The following RHOBTB3 variants were observed in gnomAD, a reference collection of about 807,000 sequenced individuals.
RHOBTB3 encodes rho-related BTB domain-containing protein 3.
A neutral mutation model predicts 67.2 loss-of-function variants in RHOBTB3; 47 were observed. That is an observed-to-expected ratio of 0.70 (90% CI 0.55 to 0.89). RHOBTB3 has a LOEUF of 0.89. RHOBTB3 is among the 40% of genes least tolerant of loss of function. The probability of loss-of-function intolerance (pLI) is 0.00; values close to 1 mark genes in which losing one functional copy is unlikely to be tolerated. For synonymous variants in RHOBTB3, 273 were observed against 274.2 expected (o/e 1.00, Z 0.04); for missense variants, 631 against 750.0 (o/e 0.84, Z 1.85).
At chr5:95,740,046 T>C (rs1206476140) in intron 3 of RHOBTB3, among the ~76,000 whole-genome samples, 1 of 152,156 alleles carries the variant, frequency 6.6e-6, no homozygotes, top group East Asian at 1.9e-4. Flanking sequence ...GAGCGGGTTT[T>C]TCCTGTGCTA....
At chr5:95,766,479 T>C (rs1178386925) in intron 7 of RHOBTB3, among the ~76,000 whole-genome samples, 1 of 152,076 alleles carries the variant, frequency 6.6e-6, no homozygotes, top group East Asian at 1.9e-4. Context: ...TAGGCAAGAT[T>C]GTGGTCCTAA....
intron 3 of RHOBTB3, among the ~76,000 whole-genome samples, chr5:95,737,616 C>T (rs1242268520): frequency 6.6e-6 from 1 of 152,208 alleles, no homozygotes; most frequent in Non-Finnish European, 1.5e-5. Context: ...TTAGGGCCAA[C>T]TCAGGATTCA....
intron 6 of RHOBTB3, among the ~76,000 whole-genome samples, chr5:95,761,025 G>A (rs1745378581): frequency 6.6e-6 from 1 of 152,170 alleles, no homozygotes; most frequent in Admixed American, 6.5e-5. Context: ...TCCTGTGTGT[G>A]TTCTCAGACA....
rs1430245196 is a variant in RHOBTB3, at chr5:95,794,920, C to G, written c.*1746C>G. On this transcript the variant is annotated 3_prime_UTR_variant, in exon 12 of 12. Coordinates refer to ENST00000379982, the MANE Select transcript of RHOBTB3 (RefSeq NM_014899.4). ...GAGTTCGAAACCAGCCTGGCCAAAA[C>G]AGTGAAACCCCGTCTCTACTAAAAA... 1 of 151,858 alleles carries G rather than the reference C, an allele frequency of 6.6e-6. No individual in the cohort carries two copies. Among genetic ancestry groups the G allele is most frequent in the Non-Finnish European group, 1.5e-5 (1 of 67,956 alleles). The allele number at this position is 151,858 out of a possible 1,614,324, so 9.4% of individuals were successfully genotyped here.
At chr5:95,738,912 G>C (rs141769123) in intron 3 of RHOBTB3, among the ~76,000 whole-genome samples, 3 of 152,136 alleles carry the variant, frequency 2.0e-5, no homozygotes, top group East Asian at 1.9e-4. Context: ...TAAAGCTACT[G>C]GTTCTTTTAA....
chr5:95,783,690 C>T (rs1334727106), intron 9 of RHOBTB3, 107 bp from the exon 10 acceptor site: 14 of 882,662 alleles, frequency 1.6e-5, no homozygotes, highest in South Asian at 8.3e-5. Flanking sequence ...GTGGATGCTA[C>T]GGTCAGCATG....
At position 95,754,777 on chromosome 5, in the gene RHOBTB3, G is replaced by A. The variant is rs917822980; in HGVS notation, c.683-619G>A. Among the ~76,000 whole-genome samples the A allele has an allele frequency of 6.7e-4, 102 of 152,096 alleles. 2 individuals are homozygous for A. Among genetic ancestry groups the A allele is most frequent in the Non-Finnish European group, 2.9e-5 (2 of 68,012 alleles). ...CTTTTGCTGAAGTGTTTTACTAGAAGGAAAAAATGCTAGTTTTGGAATCCA... is the reference window on the plus strand; with the variant it reads ...CTTTTGCTGAAGTGTTTTACTAGAAAGAAAAAATGCTAGTTTTGGAATCCA... On this transcript the variant is annotated intron_variant, in intron 5 of 11. Coordinates refer to ENST00000379982, the MANE Select transcript of RHOBTB3 (RefSeq NM_014899.4).
Position 95,736,903 on chromosome 5 carries a change from T to C in RHOBTB3, c.243T>C (p.Ser81=). The C allele has an allele frequency of 6.3e-7, 1 of 1,599,416 alleles. No individual in the cohort carries two copies. The highest frequency in any genetic ancestry group is 8.5e-7 in the Non-Finnish European group (1 of 1,174,922). Residue 81 remains serine, a synonymous_variant, in exon 3 of 12, where the codon AGT becomes AGC. Transcript: ENST00000379982. ...TTTTGGTTTAGGACATATTTGACAG[T>C]GATTGGTACACTTCTCGAAATCTAA... is the stretch of plus-strand genomic sequence containing the variant. ...HDCPVWDIFD[S]DWYTSRNLIG... is the part of the protein sequence containing the mutation.
chr5:95,724,221 A>G (rs1359175143), intron 1 of RHOBTB3, among the ~76,000 whole-genome samples: 1 of 152,226 alleles, frequency 6.6e-6, no homozygotes, highest in Non-Finnish European at 1.5e-5. Flanking sequence ...TTAAAAAGAT[A>G]TGTGGAATTT....
At position 95,780,256 on chromosome 5, in the gene RHOBTB3, G is replaced by C. The variant is rs1253803432; in HGVS notation, c.1287G>C (p.Thr429=). 1 of 1,613,578 alleles carries C rather than the reference G, an allele frequency of 6.2e-7. No homozygotes were observed. Among genetic ancestry groups the C allele is most frequent in the Non-Finnish European group, 8.5e-7 (1 of 1,179,616 alleles). The change falls in exon 9 of 12, where the codon ACG becomes ACC. Residue 429 remains threonine, a synonymous_variant. Coordinates refer to ENST00000379982, the MANE Select transcript of RHOBTB3 (RefSeq NM_014899.4). ...TTTCCCTTTTGAACCTTTCAGGTAC[G>C]ACAGTGCCAGCCCACAGGGCCATCC... ...LADVVFEIQG[T]TVPAHRAILV... is the part of the protein sequence containing the mutation.
chr5:95,784,088 G>C, intron 10 of RHOBTB3, 125 bp downstream of exon 10: 1 of 758,262 alleles, frequency 1.3e-6, no homozygotes, highest in Middle Eastern at 4.1e-4. Context: ...TTTGGCTAAT[G>C]AGGCTAAAGT....
At chr5:95,792,940 T>C in intron 11 of RHOBTB3, 119 bp from the exon 12 acceptor site, 1 of 609,544 alleles carries the variant, frequency 1.6e-6, no homozygotes, top group Non-Finnish European at 2.8e-6. Flanking sequence ...CTTGTGGGAA[T>C]GGTAGGAGAT....
intron 8 of RHOBTB3, among the ~76,000 whole-genome samples, chr5:95,772,190 T>A (rs939248755): frequency 6.6e-6 from 1 of 152,200 alleles, no homozygotes; most frequent in African/African-American, 2.4e-5. Flanking sequence ...CTGCTTTTCA[T>A]AACCAGAAAA....
chr5:95,772,415 C>T (rs1745742074), intron 8 of RHOBTB3, among the ~76,000 whole-genome samples: 1 of 152,164 alleles, frequency 6.6e-6, no homozygotes. Context: ...GTATTTGATA[C>T]AAATTAGGTA....
At chr5:95,731,065 C>G (rs1755215805), upstream of RHOBTB3, 1 of 1,095,066 alleles carries the variant, frequency 9.1e-7, no homozygotes, top group African/African-American at 1.7e-5. Flanking sequence ...GCGAGTTGAA[C>G]AAACTTGCTG....
At chr5:95,787,470 A>G (rs1358209032) in intron 10 of RHOBTB3, among the ~76,000 whole-genome samples, 1 of 151,624 alleles carries the variant, frequency 6.6e-6, no homozygotes, top group African/African-American at 2.4e-5. Flanking sequence ...AAAAAAAAGC[A>G]TATCCTTGAG....
intron 10 of RHOBTB3, among the ~76,000 whole-genome samples, chr5:95,785,366 C>T (rs1746192554): frequency 2.0e-5 from 3 of 152,190 alleles, no homozygotes; most frequent in South Asian, 4.1e-4. Flanking sequence ...CCGAGGCTGG[C>T]GGATCACGAG....
At chr5:95,759,933 C>T (rs1056674129) in intron 6 of RHOBTB3, among the ~76,000 whole-genome samples, 1 of 151,550 alleles carries the variant, frequency 6.6e-6, no homozygotes, top group African/African-American at 2.4e-5. Context: ...ATAAGCCTAT[C>T]TCCTGTCCTT....
In RHOBTB3 at chr5:95,782,775, A is replaced by T. The variant is rs1746090989; in HGVS notation, c.1457-1022A>T. ...CAGTGAGCCAAGATCGCACCACTGC[A>T]TTCCAGCCTGGACGACAGAGTGAGA... On this transcript the variant is annotated intron_variant, in intron 9 of 11. Coordinates refer to ENST00000379982, the MANE Select transcript of RHOBTB3 (RefSeq NM_014899.4). 3 of 145,728 alleles carry T rather than the reference A, an allele frequency of 2.1e-5. 1 individual carries two copies. The highest frequency in any genetic ancestry group is 7.6e-5 in the African/African-American group (3 of 39,278). 9.0% of individuals were successfully genotyped at this position (145,728 alleles called of 1,614,324 possible).
Sources: allele counts gnomAD v4.1 joint callset (sites outside exome capture counted in the v4.1 genomes callset), GRCh38; gene constraint gnomAD v4.1.1; transcripts MANE v1.5; gene names NCBI Gene and HGNC (gene_info 2026-07-23, HGNC 2026-07-21).